Variants in ZNF33A observed in about 807,000 individuals in gnomAD.
ZNF33A encodes the protein zinc finger protein 33A.
A neutral mutation model predicts 15.9 loss-of-function variants in ZNF33A; 9 were observed. The ratio of observed to expected loss-of-function variants is 0.57; its 90% CI spans 0.34 to 0.99. The LOEUF (loss-of-function observed/expected upper bound fraction) is 0.99, where lower values mean the gene tolerates loss of function less well. Among genes scored for constraint, ZNF33A ranks in the 50% least tolerant of loss-of-function variants. The probability of loss-of-function intolerance (pLI) is 0.02; values close to 1 mark genes in which losing one functional copy is unlikely to be tolerated. For missense variants in ZNF33A, 843 were observed against 941.6 expected (o/e 0.90, Z 1.37); for synonymous variants, 294 against 324.2 (o/e 0.91, Z 1.00).
chr10:38,021,189 C>G (rs1411620597), intron 4 of ZNF33A, among the ~76,000 whole-genome samples: 3 of 152,082 alleles, frequency 2.0e-5, no homozygotes, highest in African/African-American at 7.2e-5. Context: ...CAGAGTGACA[C>G]TATTAATATC....
At position 38,057,418 on chromosome 10, in the gene ZNF33A, CTT is replaced by C. The variant is rs1347099299; in HGVS notation, c.*859_*860del. On this transcript the variant is annotated 3_prime_UTR_variant, in exon 5 of 5. Coordinates refer to ENST00000432900, the MANE Select transcript of ZNF33A (RefSeq NM_006954.2). ...CGAATTATCCCTGAAGTTCAAAAGA[CTT>C]ATATATGTATAAGTGGTATGTGATA... 3.0e-6 allele frequency: 3 copies of C among 985,222 alleles called. No individual in the cohort carries two copies. Among genetic ancestry groups the C allele is most frequent in the South Asian group, 4.7e-5 (1 of 21,282 alleles). 61.0% of individuals were successfully genotyped at this position (985,222 alleles called of 1,614,324 possible).
Position 38,055,164 on chromosome 10 carries a change from A to C in ZNF33A, c.1040A>C (p.His347Pro). ...AFWEKSHLTRHQRVHTGQKPF... is the reference protein window; with the variant it reads ...AFWEKSHLTRPQRVHTGQKPF... ...TGGGAGAAGTCACATCTCACTCGACATCAGAGGGTGCACACAGGACAGAAA... is the reference window on the plus strand; with the variant it reads ...TGGGAGAAGTCACATCTCACTCGACCTCAGAGGGTGCACACAGGACAGAAA... The change falls in exon 5 of 5, where the codon CAT (histidine) becomes CCT (proline). Residue 347 changes from histidine (H) to proline (P), a missense_variant. His to Pro is a moderately conservative substitution (Grantham distance 77). Coordinates refer to ENST00000432900, the MANE Select transcript of ZNF33A (RefSeq NM_006954.2). 2.5e-6 allele frequency: 4 copies of C among 1,614,138 alleles called. No homozygotes were observed. Among genetic ancestry groups the C allele is most frequent in the Non-Finnish European group, 2.5e-6 (3 of 1,179,980 alleles).
At chr10:38,060,502 G>T (rs1005289415), downstream of ZNF33A, among the ~76,000 whole-genome samples, 1 of 152,096 alleles carries the variant, frequency 6.6e-6, no homozygotes, top group Admixed American at 6.5e-5. Flanking sequence ...CTCCCTAGTC[G>T]AACCCTGTGT....
chr10:38,056,877 A>G lies in ZNF33A; in HGVS notation c.*317A>G. 1 of 1,022,614 alleles carries G rather than the reference A, an allele frequency of 9.8e-7. No homozygotes were observed. The highest frequency in any genetic ancestry group is 1.2e-6 in the Non-Finnish European group (1 of 848,010). The allele number at this position is 1,022,614 out of a possible 1,614,324, so 63.3% of individuals were successfully genotyped here. A position where few individuals can be genotyped will look rare whatever the true frequency, so the allele number is the denominator to read the frequency against. On this transcript the variant is annotated 3_prime_UTR_variant, in exon 5 of 5. Transcript: ENST00000432900. ...GCCATAATAGTTTTTAGGGCACCTA[A>G]CAATAATTTATAGATGTATATTGTG...
rs2065081305 is a variant in ZNF33A at position 38,028,547 on chromosome 10, A to G, written c.250+11161A>G. ...CAGTGGTACGATCTTGGCTCACTGC[A>G]ACCTCCTTCTCCTGGGTTCAAGTGA... On this transcript the variant is annotated intron_variant, in intron 4 of 4. Transcript: ENST00000432900. Among the ~76,000 whole-genome samples the G allele has an allele frequency of 7.9e-5, 12 of 151,582 alleles. No homozygotes were observed. The South Asian group carries it at 2.3e-3, about 29-fold the overall frequency.
intron 4 of ZNF33A, among the ~76,000 whole-genome samples, chr10:38,042,217 C>A (rs2135699511): frequency 6.6e-6 from 1 of 151,634 alleles, no homozygotes; most frequent in South Asian, 2.1e-4. Context: ...GGGAGTCTCA[C>A]TTTGTTGCCC....
chr10:38,041,673 G>A (rs1417518222), intron 4 of ZNF33A, among the ~76,000 whole-genome samples: 1 of 152,086 alleles, frequency 6.6e-6, no homozygotes, highest in Non-Finnish European at 1.5e-5. Flanking sequence ...ATGCTTGTTG[G>A]AGCATTTCAG....
At chr10:38,033,472 T>TAGAAGTAGATATATAACC (rs1234514158) in intron 4 of ZNF33A, among the ~76,000 whole-genome samples, 1 of 152,200 alleles carries the variant, frequency 6.6e-6, no homozygotes, top group African/African-American at 2.4e-5. Flanking sequence ...GATATATACC[T>TAGAAGTAGATATATAACC]AGAAGTAGAA....
chr10:38,054,947 T>C lies in ZNF33A; in HGVS notation c.823T>C (p.Tyr275His), dbSNP rs537924629. 6.2e-7 allele frequency: 1 copy of C among 1,614,084 alleles called. No individual in the cohort carries two copies. Among genetic ancestry groups the C allele is most frequent in the Non-Finnish European group, 8.5e-7 (1 of 1,179,990 alleles). ...GATATCTCCGTCAAGGGACAATCACTATGAATTTAGTGATTGTGAGAAGTT... is the reference window on the plus strand; with the variant it reads ...GATATCTCCGTCAAGGGACAATCACCATGAATTTAGTGATTGTGAGAAGTT... ...HQISPSRDNH[Y>H]EFSDCEKFLC... The change falls in exon 5 of 5, where the codon TAT (tyrosine) becomes CAT (histidine). Residue 275 changes from tyrosine (Y) to histidine (H), a missense_variant. By Grantham distance (83) the Tyr-to-His change is moderately conservative. Transcript: ENST00000432900.
rs2066543468 is a variant in ZNF33A, at chr10:38,057,714, C to G, written c.*1154C>G. 1 of 985,356 alleles carries G rather than the reference C, an allele frequency of 1.0e-6. No homozygotes were observed. The highest frequency in any genetic ancestry group is 4.7e-5 in the South Asian group (1 of 21,296). 61.0% of individuals were successfully genotyped at this position (985,356 alleles called of 1,614,324 possible). A position where few individuals can be genotyped will look rare whatever the true frequency, so the allele number is the denominator to read the frequency against. On this transcript the variant is annotated 3_prime_UTR_variant, in exon 5 of 5. Transcript: ENST00000432900. ...TCCCTTTCTCTTCCTACCTGTGGCT[C>G]ATGCCATGCCATGAAGTGCCTAGGG...
At chr10:38,024,302 A>C (rs1279954022) in intron 4 of ZNF33A, among the ~76,000 whole-genome samples, 1 of 152,202 alleles carries the variant, frequency 6.6e-6, no homozygotes, top group Non-Finnish European at 1.5e-5. Context: ...TAAATTAAAA[A>C]CATAATACCA....
At chr10:38,039,805 G>A (rs549715367) in intron 4 of ZNF33A, among the ~76,000 whole-genome samples, 41 of 151,454 alleles carry the variant, frequency 2.7e-4, no homozygotes, top group African/African-American at 9.9e-4. Flanking sequence ...TCTAGCTAGA[G>A]GTTTGTATAT....
downstream of ZNF33A, among the ~76,000 whole-genome samples, chr10:38,065,867 C>T (rs181120953): frequency 5.3e-5 from 8 of 152,034 alleles, no homozygotes; most frequent in East Asian, 1.9e-4. Flanking sequence ...CATGCCACCA[C>T]GACTGGCTAA....
In ZNF33A at chr10:38,012,304, C is replaced by G. The variant is rs758601856; in HGVS notation, c.-38C>G. On this transcript the variant is annotated 5_prime_UTR_variant, in exon 2 of 5. It adds an upstream start codon to the 5' untranslated region. Transcript: ENST00000432900. ...TCCTCTTTTTCTAACTCAGCTGTATCTTCAGAGTTGTCTCCGTCTTTCCAA... is the reference window on the plus strand; with the variant it reads ...TCCTCTTTTTCTAACTCAGCTGTATGTTCAGAGTTGTCTCCGTCTTTCCAA... 1 of 1,611,332 alleles carries G rather than the reference C, an allele frequency of 6.2e-7. No individual in the cohort carries two copies. The highest frequency in any genetic ancestry group is 8.5e-7 in the Non-Finnish European group (1 of 1,179,280).
Position 38,012,307 on chromosome 10 carries a change from C to T in ZNF33A, c.-35C>T, listed in dbSNP as rs375283804. 9.0e-5 allele frequency: 145 copies of T among 1,611,470 alleles called. No homozygotes were observed. Among genetic ancestry groups the T allele is most frequent in the Middle Eastern group, 3.3e-4 (2 of 6,070 alleles). On this transcript the variant is annotated 5_prime_UTR_variant, in exon 2 of 5. It introduces an in-frame stop codon into an upstream open reading frame of the 5' UTR. Coordinates refer to ENST00000432900, the MANE Select transcript of ZNF33A (RefSeq NM_006954.2). Reference sequence around the variant, plus strand: ...TCTTTTTCTAACTCAGCTGTATCTTCAGAGTTGTCTCCGTCTTTCCAAGAA... The same window carrying T: ...TCTTTTTCTAACTCAGCTGTATCTTTAGAGTTGTCTCCGTCTTTCCAAGAA...
rs2066621050 is a variant in ZNF33A at position 38,059,664 on chromosome 10, C to CT, written c.*3105dup. On this transcript the variant is annotated 3_prime_UTR_variant, in exon 5 of 5. Transcript: ENST00000432900. ...ATATGACATTTTGGGAGAGGCAAAA[C>CT]TATTGAGCCAGTGAAAGGACCAGTG... is the stretch of plus-strand genomic sequence containing the variant. The CT allele has an allele frequency of 1.3e-5, 2 of 152,126 alleles. No individual in the cohort carries two copies. Among genetic ancestry groups the CT allele is most frequent in the Admixed American group, 6.5e-5 (1 of 15,268 alleles). 9.4% of individuals were successfully genotyped at this position (152,126 alleles called of 1,614,324 possible). A position where few individuals can be genotyped will look rare whatever the true frequency, so the allele number is the denominator to read the frequency against.
chr10:38,019,026 G>A (rs1047247961), intron 4 of ZNF33A, among the ~76,000 whole-genome samples: 2 of 151,066 alleles, frequency 1.3e-5, no homozygotes, highest in African/African-American at 4.9e-5. Flanking sequence ...GGGTACATGT[G>A]TACAAGGTGC....
intron 4 of ZNF33A, among the ~76,000 whole-genome samples, chr10:38,053,594 G>A (rs2066313749): frequency 6.6e-6 from 1 of 152,010 alleles, no homozygotes; most frequent in Non-Finnish European, 1.5e-5. Context: ...TCCTTAATAA[G>A]GAATGTCTTT....
chr10:38,017,030 C>T lies in ZNF33A; in HGVS notation c.154+15C>T, dbSNP rs375697969. 6.3e-7 allele frequency: 1 copy of T among 1,595,090 alleles called. No individual in the cohort carries two copies. Among genetic ancestry groups the T allele is most frequent in the Admixed American group, 1.8e-5 (1 of 54,140 alleles). On this transcript the variant is annotated intron_variant, in intron 3 of 4. Transcript: ENST00000432900. ...TGTCTCAGTGGGTAAGGTCTGTTCA[C>T]TGTATCATTCTAAATAGCATTTGTT...
Sources: gnomAD v4.1 joint callset for allele counts (sites outside exome capture counted in the v4.1 genomes callset) on GRCh38, gnomAD v4.1.1 for gene constraint, MANE v1.5 for transcripts, NCBI Gene and HGNC (gene_info 2026-07-23, HGNC 2026-07-21) for gene names.